Variants in HACD2 observed in about 807,000 individuals in gnomAD.
HACD2 encodes 3-hydroxyacyl-CoA dehydratase 2.
HACD2 carries 15 observed loss-of-function variants against 31.0 expected under a neutral mutation model. The ratio of observed to expected loss-of-function variants is 0.48; its 90% CI spans 0.32 to 0.75. The LOEUF is 0.75. Among genes scored for constraint, HACD2 ranks in the 30% least tolerant of loss-of-function variants. HACD2 has a pLI of 0.03. For missense variants in HACD2, 283 were observed against 313.0 expected, an observed-to-expected ratio of 0.90 and a Z score of 0.72; for synonymous variants, 115 against 122.2, an observed-to-expected ratio of 0.94 and a Z score of 0.39.
chr3:123,559,909 T>C (rs1436875067), intron 3 of HACD2, among the ~76,000 whole-genome samples: 1 of 152,190 alleles, frequency 6.6e-6, no homozygotes, highest in Non-Finnish European at 1.5e-5. Flanking sequence ...CCAGGTGGTG[T>C]ATACCTGGGT....
At chr3:123,523,402 A>G (rs754039453) in intron 4 of HACD2, among the ~76,000 whole-genome samples, 4 of 152,320 alleles carry the variant, frequency 2.6e-5, no homozygotes, top group Admixed American at 1.3e-4. Flanking sequence ...TTCTCTCTCG[A>G]TAACTGCCAC....
At chr3:123,536,479 T>C (rs936983625) in intron 3 of HACD2, among the ~76,000 whole-genome samples, 1 of 151,894 alleles carries the variant, frequency 6.6e-6, no homozygotes, top group Non-Finnish European at 1.5e-5. Context: ...AGGGGGAAAG[T>C]CAAAGATTAA....
chr3:123,531,658 C>T (rs986268874), intron 3 of HACD2, among the ~76,000 whole-genome samples: 3 of 151,864 alleles, frequency 2.0e-5, no homozygotes, highest in East Asian at 1.9e-4. Context: ...ACACACACAA[C>T]GATTTATTTA....
In HACD2 at chr3:123,548,836, G is replaced by A. The variant is rs939694491; in HGVS notation, c.292+18926C>T. On this transcript the variant is annotated intron_variant, in intron 3 of 6. Coordinates refer to ENST00000383657, the MANE Select transcript of HACD2 (RefSeq NM_198402.5). ...TATAGGGCCTCACTATATTGCCCAG[G>A]CTGGTCTTGAACTCCTAGGCTCAAG... is the stretch of plus-strand genomic sequence containing the variant. Among the ~76,000 whole-genome samples, 10 of 151,820 alleles carry A rather than the reference G, an allele frequency of 6.6e-5. 1 individual carries two copies. Among genetic ancestry groups the A allele is most frequent in the African/African-American group, 2.2e-4 (9 of 41,292 alleles).
intron 3 of HACD2, among the ~76,000 whole-genome samples, chr3:123,540,941 T>C (rs891051661): frequency 6.6e-6 from 1 of 152,212 alleles, no homozygotes; most frequent in African/African-American, 2.4e-5. Context: ...TGTTTCAATA[T>C]ACTTTTGAAA....
intron 2 of HACD2, among the ~76,000 whole-genome samples, chr3:123,578,735 A>G (rs1479368493): frequency 2.0e-5 from 3 of 152,242 alleles, no homozygotes; most frequent in Non-Finnish European, 4.4e-5. Context: ...AGAACCTAAT[A>G]AAGAATAACA....
chr3:123,545,207 C>T (rs1264636863), intron 3 of HACD2, among the ~76,000 whole-genome samples: 1 of 147,794 alleles, frequency 6.8e-6, no homozygotes, highest in African/African-American at 2.5e-5. Context: ...TTTGGTCAGG[C>T]GCAGTGGCTC....
intron 3 of HACD2, among the ~76,000 whole-genome samples, chr3:123,544,859 A>G (rs907420644): frequency 3.9e-5 from 6 of 151,920 alleles, no homozygotes; most frequent in African/African-American, 1.2e-4. Flanking sequence ...GGAATGCTTG[A>G]GCTCAGGAGT....
intron 2 of HACD2, among the ~76,000 whole-genome samples, chr3:123,573,950 A>C (rs1049070768): frequency 1.3e-5 from 2 of 152,312 alleles, no homozygotes; most frequent in East Asian, 3.9e-4. Flanking sequence ...AGAACTTAAA[A>C]GTGGGGAAAA....
At chr3:123,543,828 G>A (rs950413080) in intron 3 of HACD2, 8 of 187,324 alleles carry the variant, frequency 4.3e-5, no homozygotes, top group South Asian at 3.4e-4. Context: ...AAAGAATTCC[G>A]TTGCTATATT....
At chr3:123,528,747 T>A (rs1318049668) in intron 3 of HACD2, among the ~76,000 whole-genome samples, 1 of 152,214 alleles carries the variant, frequency 6.6e-6, no homozygotes, top group Admixed American at 6.5e-5. Flanking sequence ...CCAAGTACAG[T>A]ATTTTTTACA....
At chr3:123,579,121 C>A (rs2056937869) in intron 2 of HACD2, among the ~76,000 whole-genome samples, 1 of 152,032 alleles carries the variant, frequency 6.6e-6, no homozygotes, top group Non-Finnish European at 1.5e-5. Context: ...GAGATAAAAC[C>A]AAAAATCCAA....
intron 4 of HACD2, among the ~76,000 whole-genome samples, chr3:123,504,777 T>C (rs2055952060): frequency 1.3e-5 from 2 of 152,324 alleles, no homozygotes; most frequent in African/African-American, 4.8e-5. Flanking sequence ...GCAAAATCAT[T>C]TCTTCCAATC....
chr3:123,493,155 C>T lies in HACD2; in HGVS notation c.*1733G>A. 6.6e-6 allele frequency: 1 copy of T among 152,128 alleles called. No homozygotes were observed. Among genetic ancestry groups the T allele is most frequent in the Non-Finnish European group, 1.5e-5 (1 of 68,036 alleles). 9.4% of individuals were successfully genotyped at this position (152,128 alleles called of 1,614,324 possible). ...GGATCACGAGGTCAGGAGATCAAGA[C>T]CATCCTGGCTAACACGGTGAAACCC... On this transcript the variant is annotated 3_prime_UTR_variant, in exon 7 of 7. Coordinates refer to ENST00000383657, the MANE Select transcript of HACD2 (RefSeq NM_198402.5).
At chr3:123,572,382 C>T (rs1490433760) in intron 2 of HACD2, among the ~76,000 whole-genome samples, 5 of 152,138 alleles carry the variant, frequency 3.3e-5, no homozygotes, top group Admixed American at 2.0e-4. Flanking sequence ...GTGGCATGTG[C>T]CTGTAGTCCT....
At position 123,528,425 on chromosome 3, in the gene HACD2, T is replaced by G; in HGVS notation, c.342A>C (p.Arg114Ser). ...VVLTSFQVMS[R>S]VFLIWAVTHS... is the part of the protein sequence containing the mutation. ...GTGTTACTGCCCATATTAGAAAAAC[T>G]CTTGACATCACCTGGAAAGAAGTCA... Residue 114 changes from arginine (R) to serine (S), a missense_variant, in exon 4 of 7, where the codon AGA becomes AGC. Physicochemically the swap from Arg to Ser is moderately radical, Grantham distance 110. Transcript: ENST00000383657. 1 of 1,613,186 alleles carries G rather than the reference T, an allele frequency of 6.2e-7. No individual in the cohort carries two copies. The highest frequency in any genetic ancestry group is 1.7e-5 in the Admixed American group (1 of 60,026).
At chr3:123,550,511 C>A (rs955860427) in intron 3 of HACD2, among the ~76,000 whole-genome samples, 1 of 152,030 alleles carries the variant, frequency 6.6e-6, no homozygotes, top group Non-Finnish European at 1.5e-5. Flanking sequence ...ACACAAGTGG[C>A]AGAGAAATGA....
chr3:123,559,746 G>C, intron 3 of HACD2, among the ~76,000 whole-genome samples: 1 of 152,202 alleles, frequency 6.6e-6, no homozygotes, highest in East Asian at 1.9e-4. Flanking sequence ...AGACTTAGTT[G>C]TTCCTGCAGG....
rs2056973770 is a variant in HACD2 at position 123,582,270 on chromosome 3, C to T, written c.215G>A (p.Ser72Asn). Residue 72 changes from serine to asparagine, a missense_variant, in exon 2 of 7, where the codon AGC (serine) becomes AAC (asparagine). Around this residue, in one of 3 missense-constraint regions of HACD2, gnomAD observed 158 missense variants for 148.3 expected, o/e 1.07. Coordinates refer to ENST00000383657, the MANE Select transcript of HACD2 (RefSeq NM_198402.5). ...AGGCTTTTCAATTGAATAATAAAGGCTATGGTAGCTACCCTTAGCCAGGTA... is the reference window on the plus strand; with the variant it reads ...AGGCTTTTCAATTGAATAATAAAGGTTATGGTAGCTACCCTTAGCCAGGTA... ...RAYLAKGSYH[S>N]LYYSIEKPLK... The T allele has an allele frequency of 6.2e-7, 1 of 1,609,218 alleles. No individual in the cohort carries two copies.
Sources: gnomAD v4.1 joint callset for allele counts (sites outside exome capture counted in the v4.1 genomes callset) on GRCh38, gnomAD v4.1.1 for gene constraint, gnomAD v4.1.1 regional missense constraint, MANE v1.5 for transcripts, NCBI Gene and HGNC (gene_info 2026-07-23, HGNC 2026-07-21) for gene names.